Variants in COL5A2 observed in about 807,000 individuals in gnomAD.
The protein encoded by COL5A2 is collagen alpha-2(V) chain.
COL5A2 carries 23 observed loss-of-function variants against 208.2 expected under a neutral mutation model. That is an observed-to-expected ratio of 0.11 (90% CI 0.08 to 0.16). COL5A2 has a LOEUF of 0.16. Among genes scored for constraint, COL5A2 ranks in the 10% least tolerant of loss-of-function variants. COL5A2 has a pLI of 1.00. For synonymous variants in COL5A2, 625 were observed against 628.5 expected (o/e 0.99, Z 0.08); for missense variants, 1,590 against 1,956.4 (o/e 0.81, Z 3.53).
At chr2:189,055,760 G>T (rs369468440) in intron 35 of COL5A2, among the ~76,000 whole-genome samples, 1 of 152,210 alleles carries the variant, frequency 6.6e-6, no homozygotes, top group South Asian at 2.1e-4. Flanking sequence ...TAAAAATAAA[G>T]CAGTCATTGC....
chr2:189,057,187 T>C lies in COL5A2; in HGVS notation c.2337+133A>G, dbSNP rs561039823. 1.2e-4 allele frequency: 122 copies of C among 1,035,932 alleles called. 1 individual carries two copies. In the South Asian group the frequency reaches 1.6e-3, roughly 13 times the overall value. 64.2% of individuals were successfully genotyped at this position (1,035,932 alleles called of 1,614,324 possible). ...TGTGCATTTTCTCAGTAAATGTTTA[T>C]TAGAAGAATGAAAAATGAATGACTA... On this transcript the variant is annotated intron_variant, in intron 34 of 53. Transcript: ENST00000374866.
intron 1 of COL5A2, among the ~76,000 whole-genome samples, chr2:189,220,447 C>T (rs995711505): frequency 2.8e-5 from 4 of 143,404 alleles, no homozygotes; most frequent in African/African-American, 9.9e-5. Flanking sequence ...ACAGTTACAG[C>T]TCTAATAAGC....
the COL5A2 span, among the ~76,000 whole-genome samples, chr2:189,409,891 G>C: frequency 6.6e-6 from 1 of 152,134 alleles, no homozygotes; most frequent in African/African-American, 2.4e-5. Context: ...ATGGAAAGTA[G>C]AGCACTTAGA....
the COL5A2 span, among the ~76,000 whole-genome samples, chr2:189,342,741 C>T: frequency 6.7e-4 from 102 of 151,186 alleles, no homozygotes; most frequent in Middle Eastern, 0.014. Context: ...TACCACTATA[C>T]ATTTTGTGTA....
At chr2:189,296,290 G>GT in the COL5A2 span, among the ~76,000 whole-genome samples, 10 of 151,844 alleles carry the variant, frequency 6.6e-5, no homozygotes, top group African/African-American at 1.7e-4. Context: ...TTTTTTGTTT[G>GT]TTTTTTTACA....
Position 189,045,243 on chromosome 2 carries a change from T to C in COL5A2, c.3310-11A>G. 6.2e-7 allele frequency: 1 copy of C among 1,600,860 alleles called. No individual in the cohort carries two copies. Among genetic ancestry groups the C allele is most frequent in the African/African-American group, 1.3e-5 (1 of 74,124 alleles). Reference sequence around the variant, plus strand: ...AGGACCCCGAGAACCCTAAAAGAAATTTACAACAAAAAAAATTGGCATGTA... The same window carrying C: ...AGGACCCCGAGAACCCTAAAAGAAACTTACAACAAAAAAAATTGGCATGTA... On this transcript the variant is annotated splice_polypyrimidine_tract_variant and intron_variant, in intron 46 of 53. Transcript: ENST00000374866.
upstream of COL5A2, among the ~76,000 whole-genome samples, chr2:189,226,342 A>G (rs1356838124): frequency 6.6e-6 from 1 of 152,130 alleles, no homozygotes; most frequent in African/African-American, 2.4e-5. Context: ...CAAAACATCA[A>G]ATCAATAACA....
At chr2:189,094,936 T>A (rs1023816022) in intron 6 of COL5A2, 1 of 151,788 alleles carries the variant, frequency 6.6e-6, no homozygotes, top group Non-Finnish European at 1.5e-5. Flanking sequence ...CTATTTTGCC[T>A]GGATTTGGCA....
intron 6 of COL5A2, 118 bp downstream of exon 6, chr2:189,097,159 G>A (rs1686935376): frequency 1.1e-6 from 1 of 893,380 alleles, no homozygotes; most frequent in Non-Finnish European, 1.8e-6. Context: ...TTGTATTTTT[G>A]TAAAATTTAA....
At chr2:189,128,769 A>G (rs903101544) in intron 1 of COL5A2, among the ~76,000 whole-genome samples, 19 of 152,132 alleles carry the variant, frequency 1.2e-4, no homozygotes, top group Middle Eastern at 3.4e-3. Context: ...ATCATTCCCA[A>G]TTAGGCACCT....
At chr2:189,174,635 T>C (rs943570903) in intron 1 of COL5A2, among the ~76,000 whole-genome samples, 1 of 152,150 alleles carries the variant, frequency 6.6e-6, no homozygotes, top group Non-Finnish European at 1.5e-5. Flanking sequence ...CCAGACCCCA[T>C]CCAAACTTCC....
chr2:189,285,205 T>C, the COL5A2 span, among the ~76,000 whole-genome samples: 5,887 of 151,918 alleles, frequency 0.039, 133 homozygotes, highest in Admixed American at 0.051. Flanking sequence ...TTCCTGCCCC[T>C]GAATGTGAGC....
chr2:189,438,341 T>C, the COL5A2 span, among the ~76,000 whole-genome samples: 2 of 152,234 alleles, frequency 1.3e-5, no homozygotes, highest in Admixed American at 1.3e-4. Flanking sequence ...CACTTATGAT[T>C]TGAGCAATCT....
chr2:189,112,806 G>A (rs562891513), intron 1 of COL5A2, among the ~76,000 whole-genome samples: 2 of 152,226 alleles, frequency 1.3e-5, no homozygotes, highest in African/African-American at 4.8e-5. Context: ...AATGAGAAAT[G>A]TATTCATCAA....
At chr2:189,369,623 A>G in the COL5A2 span, among the ~76,000 whole-genome samples, 1 of 151,656 alleles carries the variant, frequency 6.6e-6, no homozygotes, top group Non-Finnish European at 1.5e-5. Context: ...TTTGATTATT[A>G]TAGTAGAAGG....
At chr2:189,338,865 C>A in the COL5A2 span, among the ~76,000 whole-genome samples, 2 of 152,114 alleles carry the variant, frequency 1.3e-5, no homozygotes, top group Middle Eastern at 3.4e-3. Context: ...TGCTGCTGCT[C>A]TACTACCAAG....
upstream of COL5A2, among the ~76,000 whole-genome samples, chr2:189,226,457 T>G (rs1439698790): frequency 1.3e-5 from 2 of 152,070 alleles, no homozygotes; most frequent in Admixed American, 6.6e-5. Context: ...TAGAAGAATT[T>G]TTGTCACCCT....
At position 189,098,292 on chromosome 2, in the gene COL5A2, A is replaced by C. The variant is rs113306193; in HGVS notation, c.402+435T>G. On this transcript the variant is annotated intron_variant, in intron 5 of 53. Coordinates refer to ENST00000374866, the MANE Select transcript of COL5A2 (RefSeq NM_000393.5). Reference sequence around the variant, plus strand: ...CTGATAATCCAAACTTGAAAAAATTAATCTTTTATACTAAGCCATAAATAT... The same window carrying C: ...CTGATAATCCAAACTTGAAAAAATTCATCTTTTATACTAAGCCATAAATAT... Among the ~76,000 whole-genome samples the C allele has an allele frequency of 1.3e-4, 20 of 152,322 alleles. 1 individual carries two copies. Among genetic ancestry groups the C allele is most frequent in the African/African-American group, 4.8e-4 (20 of 41,576 alleles).
chr2:189,200,002 T>C (rs936756644), intron 1 of COL5A2, among the ~76,000 whole-genome samples: 2 of 152,164 alleles, frequency 1.3e-5, no homozygotes, highest in African/African-American at 4.8e-5. Flanking sequence ...GGGCACTGAT[T>C]CTCCCAATCC....
Sources: allele counts gnomAD v4.1 joint callset (sites outside exome capture counted in the v4.1 genomes callset), GRCh38; gene constraint gnomAD v4.1.1; transcripts MANE v1.5; gene names NCBI Gene and HGNC (gene_info 2026-07-23, HGNC 2026-07-21).